EPB41L2: variants seen among roughly 807,000 people sequenced by gnomAD.
EPB41L2 encodes the protein band 4.1-like protein 2.
A neutral mutation model predicts 113.0 loss-of-function variants in EPB41L2; 43 were observed. That is an observed-to-expected ratio of 0.38 (90% CI 0.30 to 0.49). The LOEUF (loss-of-function observed/expected upper bound fraction) is 0.49, where lower values mean the gene tolerates loss of function less well. Ranked by LOEUF, EPB41L2 falls within the 20% of genes least tolerant of loss-of-function variation. The pLI is 0.95. For missense variants in EPB41L2, 1,147 were observed against 1,223.4 expected (o/e 0.94, Z 0.93); for synonymous variants, 442 against 436.7 (o/e 1.01, Z -0.15).
At chr6:131,023,722 T>C (rs1584593816) in intron 1 of EPB41L2, among the ~76,000 whole-genome samples, 1 of 131,264 alleles carries the variant, frequency 7.6e-6, no homozygotes, top group East Asian at 2.0e-4. Flanking sequence ...TGCGTGTGTG[T>C]GTGTGTGTAT....
intron 1 of EPB41L2, among the ~76,000 whole-genome samples, chr6:131,042,569 A>G (rs971171225): frequency 4.6e-5 from 7 of 152,224 alleles, no homozygotes; most frequent in Non-Finnish European, 8.8e-5. Context: ...GGATCACTAT[A>G]GAACACATTT....
At chr6:130,952,611 G>A (rs1044012001) in intron 3 of EPB41L2, among the ~76,000 whole-genome samples, 4 of 152,004 alleles carry the variant, frequency 2.6e-5, no homozygotes, top group African/African-American at 9.7e-5. Context: ...TCAGGTGATC[G>A]AGACCATCCT....
intron 1 of EPB41L2, among the ~76,000 whole-genome samples, chr6:131,036,280 C>T (rs1793289759): frequency 6.6e-6 from 1 of 151,950 alleles, no homozygotes; most frequent in South Asian, 2.1e-4. Flanking sequence ...GGAAACGATC[C>T]CCTAGCTACA....
intron 14 of EPB41L2, among the ~76,000 whole-genome samples, chr6:130,877,726 T>G (rs1257747739): frequency 2.0e-5 from 3 of 152,162 alleles, no homozygotes; most frequent in African/African-American, 7.2e-5. Context: ...AGCCTATATT[T>G]CTTTATTTAT....
intron 1 of EPB41L2, among the ~76,000 whole-genome samples, chr6:130,959,153 C>T (rs1365113949): frequency 6.6e-6 from 1 of 152,138 alleles, no homozygotes; most frequent in Non-Finnish European, 1.5e-5. Context: ...AAGGAAAAGG[C>T]CCAGGTCAAG....
chr6:130,905,145 C>T (rs1292399184), intron 5 of EPB41L2, among the ~76,000 whole-genome samples: 1 of 152,128 alleles, frequency 6.6e-6, no homozygotes, highest in African/African-American at 2.4e-5. Context: ...ATAACATACA[C>T]TTGGCTGTAT....
intron 19 of EPB41L2, among the ~76,000 whole-genome samples, chr6:130,854,965 G>A (rs749730587): frequency 4.6e-5 from 7 of 152,152 alleles, no homozygotes; most frequent in Non-Finnish European, 8.8e-5. Flanking sequence ...TTGAACCGAG[G>A]AGGCAGAGGT....
chr6:130,870,152 A>C (rs1785191249), intron 14 of EPB41L2, 26 bp from the exon 15 acceptor site: 1 of 1,572,776 alleles, frequency 6.4e-7, no homozygotes, highest in African/African-American at 1.4e-5. Context: ...TGGATGAGGG[A>C]AAACAAAAAT....
chr6:130,964,260 G>A (rs184103357), intron 1 of EPB41L2, among the ~76,000 whole-genome samples: 188 of 152,168 alleles, frequency 1.2e-3, no homozygotes, highest in Non-Finnish European at 2.1e-3. Context: ...GACCTCAAGT[G>A]ATCCACCCGC....
chr6:130,841,828 G>T (rs1331203797), intron 19 of EPB41L2, among the ~76,000 whole-genome samples: 1 of 152,202 alleles, frequency 6.6e-6, no homozygotes, highest in Non-Finnish European at 1.5e-5. Context: ...CCAACAGATA[G>T]AACTAAGTCT....
intron 11 of EPB41L2, among the ~76,000 whole-genome samples, chr6:130,886,630 G>GTTA (rs1341014391): frequency 1.7e-4 from 21 of 120,636 alleles, no homozygotes; most frequent in Non-Finnish European, 3.4e-4. Flanking sequence ...TTTTGTTGTT[G>GTTA]TTGTTGTTGT....
At chr6:130,953,123 T>C (rs184802568) in intron 3 of EPB41L2, among the ~76,000 whole-genome samples, 179 of 151,342 alleles carry the variant, frequency 1.2e-3, no homozygotes, top group African/African-American at 4.2e-3. Flanking sequence ...TAACATCAAG[T>C]TGGTTCTCAA....
At chr6:130,995,586 G>A (rs890582202) in intron 1 of EPB41L2, among the ~76,000 whole-genome samples, 29 of 152,244 alleles carry the variant, frequency 1.9e-4, no homozygotes, top group African/African-American at 3.9e-4. Context: ...CTGGGGCTGC[G>A]TCATGGGTGC....
intron 12 of EPB41L2, among the ~76,000 whole-genome samples, chr6:130,883,461 T>C (rs1245259784): frequency 6.6e-6 from 1 of 152,220 alleles, no homozygotes; most frequent in Non-Finnish European, 1.5e-5. Flanking sequence ...CAGCATTATT[T>C]ACTTTTAAAC....
chr6:131,057,953 T>C (rs1451598816), intron 1 of EPB41L2, among the ~76,000 whole-genome samples: 7 of 152,248 alleles, frequency 4.6e-5, no homozygotes, highest in Non-Finnish European at 8.8e-5. Flanking sequence ...TAGTTATCTA[T>C]GCAAAATTTC....
At chr6:130,895,225 G>T (rs1048261710) in intron 8 of EPB41L2, 106 bp from the exon 9 acceptor site, 3 of 1,311,676 alleles carry the variant, frequency 2.3e-6, no homozygotes, top group African/African-American at 3.0e-5. Flanking sequence ...CAGTTTAACA[G>T]GTTTGTATTT....
At chr6:131,057,752 T>C (rs1797869089) in intron 1 of EPB41L2, among the ~76,000 whole-genome samples, 1 of 152,190 alleles carries the variant, frequency 6.6e-6, no homozygotes, top group African/African-American at 2.4e-5. Flanking sequence ...TCATGAAGGT[T>C]GATGGTGAGG....
At chr6:130,929,846 AAGAC>A (rs1386969372) in intron 3 of EPB41L2, among the ~76,000 whole-genome samples, 1 of 128,900 alleles carries the variant, frequency 7.8e-6, no homozygotes, top group East Asian at 2.2e-4. Context: ...GATTAAATAC[AAGAC>A]AGACAGTCAC....
intron 1 of EPB41L2, among the ~76,000 whole-genome samples, chr6:130,965,832 A>AAT (rs534566763): frequency 8.1e-4 from 124 of 152,276 alleles, no homozygotes; most frequent in African/African-American, 2.9e-3. Context: ...CTAGCAGAAG[A>AAT]ATAAACTGGT....
Sources: allele counts gnomAD v4.1 joint callset (sites outside exome capture counted in the v4.1 genomes callset), GRCh38; gene constraint gnomAD v4.1.1; transcripts MANE v1.5; gene names NCBI Gene and HGNC (gene_info 2026-07-23, HGNC 2026-07-21).